MINDY1: variants seen among roughly 807,000 people sequenced by gnomAD.
The protein encoded by MINDY1 is MINDY lysine 48 deubiquitinase 1.
Under a neutral mutation model 53.6 loss-of-function variants are expected in MINDY1, and 50 were observed. The ratio of observed to expected loss-of-function variants is 0.93; its 90% CI spans 0.74 to 1.18. The LOEUF is 1.18. MINDY1 is among the 50% of genes most tolerant of loss of function. The pLI is 0.00. For synonymous variants in MINDY1, 231 were observed against 234.7 expected, an observed-to-expected ratio of 0.98 and a Z score of 0.14; for missense variants, 484 against 578.6, an observed-to-expected ratio of 0.84 and a Z score of 1.68.
chr1:150,998,481 A>C (rs1459020391), intron 7 of MINDY1, among the ~76,000 whole-genome samples: 1 of 152,148 alleles, frequency 6.6e-6, no homozygotes, highest in African/African-American at 2.4e-5. Flanking sequence ...CAGCCTCCCA[A>C]GTAGCTGGGA....
Position 150,997,675 on chromosome 1 carries a change from CTGT to C in MINDY1, c.1275_1277del (p.Gln428del). 1 of 1,613,242 alleles carries C rather than the reference CTGT, an allele frequency of 6.2e-7. No individual in the cohort carries two copies. Among genetic ancestry groups the C allele is most frequent in the Non-Finnish European group, 8.5e-7 (1 of 1,180,042 alleles). On this transcript the variant is annotated inframe_deletion, in exon 9 of 10. Coordinates refer to ENST00000683666, the MANE Select transcript of MINDY1 (RefSeq NM_001376665.1). ...TCCGCACTGGCTGCGCTGCCTGCTG[CTGT>C]TGATACTCCTCTTGCTGAAGCTGCT...
intron 8 of MINDY1, 151 bp downstream of exon 8, chr1:150,997,931 C>T: frequency 8.8e-7 from 1 of 1,130,064 alleles, no homozygotes; most frequent in Non-Finnish European, 1.2e-6. Flanking sequence ...ATCTGTGGTG[C>T]CAGAGAATAC....
upstream of MINDY1, chr1:151,008,130 C>T (rs148229723): frequency 8.8e-4 from 558 of 636,938 alleles, no homozygotes; most frequent in Admixed American, 1.9e-3. Flanking sequence ...TCTGTTTTGC[C>T]AAGTGTCATT....
intron 7 of MINDY1, among the ~76,000 whole-genome samples, chr1:150,998,924 C>T (rs1408124794): frequency 1.3e-5 from 2 of 152,180 alleles, no homozygotes; most frequent in Non-Finnish European, 2.9e-5. Flanking sequence ...CAGTTTCTAA[C>T]TTTTGAAGAC....
chr1:151,008,352 A>G (rs1019717006), upstream of MINDY1: 15 of 1,308,182 alleles, frequency 1.1e-5, no homozygotes, highest in African/African-American at 2.3e-4. Context: ...GCCCCACGCC[A>G]CGCCCCCTTG....
In MINDY1 at chr1:150,999,777, G is replaced by T; in HGVS notation, c.838+85C>A. ...TGAAGCTTATATCTAGTGGGATGTG[G>T]TAGGAGATGACACCCAATAAAAAAT... On this transcript the variant is annotated intron_variant, in intron 6 of 9. Coordinates refer to ENST00000683666, the MANE Select transcript of MINDY1 (RefSeq NM_001376665.1). This position sits in a 1 kb window ranked among gnomAD's most constrained non-coding sequence, Gnocchi z 4.4. The T allele has an allele frequency of 8.1e-7, 1 of 1,235,430 alleles. No individual in the cohort carries two copies. Among genetic ancestry groups the T allele is most frequent in the East Asian group, 2.4e-5 (1 of 42,214 alleles). 76.5% of individuals were successfully genotyped at this position (1,235,430 alleles called of 1,614,324 possible). A position where few individuals can be genotyped will look rare whatever the true frequency, so the allele number is the denominator to read the frequency against.
Position 150,998,374 on chromosome 1 carries a change from A to G in MINDY1, c.982-101T>C. 2.8e-6 allele frequency: 3 copies of G among 1,083,616 alleles called. No individual in the cohort carries two copies. The Admixed American group carries it at 6.7e-5, about 24-fold the overall frequency. 67.1% of individuals were successfully genotyped at this position (1,083,616 alleles called of 1,614,324 possible). On this transcript the variant is annotated intron_variant, in intron 7 of 9. Coordinates refer to ENST00000683666, the MANE Select transcript of MINDY1 (RefSeq NM_001376665.1). The stretch of plus-strand genomic sequence containing the variant: ...AGCATGTGGACTTTTTTTTTCTTGG[A>G]GATGGAGTCTCGCTCTGTCATCCAG...
In MINDY1 at chr1:151,002,704, G is replaced by T; in HGVS notation, c.-87C>A. ...AGCCAGGCTTGGGATGCAAAAGAGT[G>T]ACCTGTCCAATAAGAAGGAAATCAG... On this transcript the variant is annotated splice_region_variant and 5_prime_UTR_variant, in exon 2 of 10. Transcript: ENST00000683666. The surrounding 1 kb of genome is among the most constrained non-coding windows in gnomAD (Gnocchi z 4.1). 1 of 1,596,098 alleles carries T rather than the reference G, an allele frequency of 6.3e-7. No homozygotes were observed. The highest frequency in any genetic ancestry group is 8.5e-7 in the Non-Finnish European group (1 of 1,170,852).
At chr1:151,004,761 TAA>T (rs1672974648) in intron 1 of MINDY1, among the ~76,000 whole-genome samples, 2 of 148,974 alleles carry the variant, frequency 1.3e-5, no homozygotes, top group Non-Finnish European at 3.0e-5. Flanking sequence ...TAAAATAAAA[TAA>T]AATAAAATAA....
rs1288387725 is a variant in MINDY1, at chr1:150,996,917, C to T, written c.*370G>A. ...AAACCCAAATTAAGCTCTGAAACAACTGGAGACAGGCCTGCCTAGGTGATC... is the reference window on the plus strand; with the variant it reads ...AAACCCAAATTAAGCTCTGAAACAATTGGAGACAGGCCTGCCTAGGTGATC... On this transcript the variant is annotated 3_prime_UTR_variant, in exon 10 of 10. Coordinates refer to ENST00000683666, the MANE Select transcript of MINDY1 (RefSeq NM_001376665.1). 4.4e-6 allele frequency: 1 copy of T among 229,638 alleles called. No homozygotes were observed. Among genetic ancestry groups the T allele is most frequent in the African/African-American group, 2.3e-5 (1 of 43,972 alleles). 14.2% of individuals were successfully genotyped at this position (229,638 alleles called of 1,614,324 possible).
Position 151,000,537 on chromosome 1 carries a change from C to T in MINDY1, c.655G>A (p.Asp219Asn), listed in dbSNP as rs145467872. The change falls in exon 5 of 10, where the codon GAT becomes AAT. Residue 219 changes from aspartate (D) to asparagine (N), a missense_variant. Physicochemically the swap from Asp to Asn is conservative, Grantham distance 23. Transcript: ENST00000683666. ...CTGCACTCGGGTGTATACTCAAAAT[C>T]AGAGACGCCTGTGAATCGCACATTG... ...DVNVRFTGVS[D>N]FEYTPECSVF... 1.4e-3 allele frequency: 2,203 copies of T among 1,614,110 alleles called. 7 individuals carry two copies. Among genetic ancestry groups the T allele is most frequent in the Non-Finnish European group, 1.8e-3 (2,095 of 1,180,018 alleles).
Position 151,002,369 on chromosome 1 carries a change from C to T in MINDY1, c.249G>A (p.Gly83=), listed in dbSNP as rs757810883. ...TTATTGTCTCTACTTCAGGCAGTGT[C>T]CCAAGGGTTGGCCCCGGTGGAGCTG... is the stretch of plus-strand genomic sequence containing the variant. ...ASSAPPGPTL[G]TLPEVETIRA... Residue 83 remains glycine, a synonymous_variant, in exon 2 of 10, where the codon GGG becomes GGA. Coordinates refer to ENST00000683666, the MANE Select transcript of MINDY1 (RefSeq NM_001376665.1). The surrounding 1 kb of genome is among the most constrained non-coding windows in gnomAD (Gnocchi z 4.1). 3 of 1,614,060 alleles carry T rather than the reference C, an allele frequency of 1.9e-6. No individual in the cohort carries two copies. In the South Asian group the frequency reaches 3.3e-5, roughly 18 times the overall value.
Position 150,997,714 on chromosome 1 carries a change from C to T in MINDY1, c.1239G>A (p.Leu413=). The part of the protein sequence containing the change: ...QPRGPLGLTD[L]ELAQQLQQEE... ...CTTGCTGAAGCTGCTGGGCCAGCTCCAAGTCGGTAAGCCCCAGCGGGCCTC... is the reference window on the plus strand; with the variant it reads ...CTTGCTGAAGCTGCTGGGCCAGCTCTAAGTCGGTAAGCCCCAGCGGGCCTC... Residue 413 remains leucine, a synonymous_variant, in exon 9 of 10, where the codon TTG becomes TTA. Coordinates refer to ENST00000683666, the MANE Select transcript of MINDY1 (RefSeq NM_001376665.1). The T allele has an allele frequency of 6.2e-7, 1 of 1,613,948 alleles. No homozygotes were observed. The highest frequency in any genetic ancestry group is 8.5e-7 in the Non-Finnish European group (1 of 1,180,028).
At position 150,999,767 on chromosome 1, in the gene MINDY1, G is replaced by T; in HGVS notation, c.838+95C>A. 1.7e-6 allele frequency: 2 copies of T among 1,157,544 alleles called. No homozygotes were observed. Among genetic ancestry groups the T allele is most frequent in the Non-Finnish European group, 2.5e-6 (2 of 795,016 alleles). 71.7% of individuals were successfully genotyped at this position (1,157,544 alleles called of 1,614,324 possible). ...CTCCTTCTTGTGAAGCTTATATCTA[G>T]TGGGATGTGGTAGGAGATGACACCC... On this transcript the variant is annotated intron_variant, in intron 6 of 9. Coordinates refer to ENST00000683666, the MANE Select transcript of MINDY1 (RefSeq NM_001376665.1). The surrounding 1 kb of genome is among the most constrained non-coding windows in gnomAD (Gnocchi z 4.4).
In MINDY1 at chr1:150,998,120, C is replaced by T; in HGVS notation, c.1135G>A (p.Gly379Arg). 6.2e-7 allele frequency: 1 copy of T among 1,613,622 alleles called. No individual in the cohort carries two copies. The highest frequency in any genetic ancestry group is 2.2e-5 in the East Asian group (1 of 44,888). Residue 379 changes from glycine to arginine, a missense_variant, in exon 8 of 10, where the codon GGG (glycine) becomes AGG (arginine). Gly to Arg is a moderately radical substitution (Grantham distance 125). Transcript: ENST00000683666. The part of the protein sequence containing the change: ...SLGKGPGAEG[G>R]SGSPETQLQV... ...AGCTGCGTTTCTGGGGAGCCACTCC[C>T]ACCTTCTGCTCCAGGCCCCTTGCCC...
chr1:151,005,223 G>A (rs993464842), intron 1 of MINDY1, among the ~76,000 whole-genome samples: 6 of 151,942 alleles, frequency 3.9e-5, no homozygotes, highest in African/African-American at 9.7e-5. Flanking sequence ...AGGCCGAGGC[G>A]GGCGGATCAC....
At position 151,002,235 on chromosome 1, in the gene MINDY1, A is replaced by G. The variant is rs1672663285; in HGVS notation, c.383T>C (p.Ile128Thr). ...AGGGCCGTTAGTGCTCTGGGTGATG[A>G]TGGGTGTCTGTTCTCCTTTCCAAGG... ...WIPWKGEQTP[I>T]ITQSTNGPCP... Residue 128 changes from isoleucine to threonine, a missense_variant, in exon 2 of 10, where the codon ATC becomes ACC. Transcript: ENST00000683666. This position sits in a 1 kb window ranked among gnomAD's most constrained non-coding sequence, Gnocchi z 4.1. The G allele has an allele frequency of 6.2e-7, 1 of 1,614,198 alleles. No individual in the cohort carries two copies.
Position 151,002,257 on chromosome 1 carries a change from A to C in MINDY1, c.361T>G (p.Trp121Gly). Residue 121 changes from tryptophan (W) to glycine (G), a missense_variant, in exon 2 of 10, where the codon TGG (tryptophan) becomes GGG (glycine). Trp to Gly is a radical substitution (Grantham distance 184, BLOSUM62 -2). Transcript: ENST00000683666. This position sits in a 1 kb window ranked among gnomAD's most constrained non-coding sequence, Gnocchi z 4.1. Reference sequence around the variant, plus strand: ...ATGATGGGTGTCTGTTCTCCTTTCCAAGGGATCCACTTGACACAGTAGAAA... The same window carrying C: ...ATGATGGGTGTCTGTTCTCCTTTCCCAGGGATCCACTTGACACAGTAGAAA... ...PDFYCVKWIP[W>G]KGEQTPIITQ... 1.2e-6 allele frequency: 2 copies of C among 1,614,178 alleles called. No homozygotes were observed. The highest frequency in any genetic ancestry group is 1.7e-6 in the Non-Finnish European group (2 of 1,180,034).
intron 7 of MINDY1, 56 bp from the exon 8 acceptor site, chr1:150,998,329 C>T: frequency 6.6e-7 from 1 of 1,508,428 alleles, no homozygotes; most frequent in Non-Finnish European, 9.0e-7. Flanking sequence ...AGGCAGTTCA[C>T]TGCCAGAAAT....
Sources: gnomAD v4.1 joint callset for allele counts (sites outside exome capture counted in the v4.1 genomes callset) on GRCh38, gnomAD v4.1.1 for gene constraint, Gnocchi (gnomAD v3.1) non-coding constraint, MANE v1.5 for transcripts, NCBI Gene and HGNC (gene_info 2026-07-23, HGNC 2026-07-21) for gene names.